TENM3: variants seen among roughly 807,000 people sequenced by gnomAD.
TENM3 encodes the protein teneurin-3.
TENM3 carries 63 observed loss-of-function variants against 255.1 expected under a neutral mutation model. The ratio of observed to expected loss-of-function variants is 0.25; its 90% CI spans 0.20 to 0.30. The LOEUF (loss-of-function observed/expected upper bound fraction) is 0.30, where lower values mean the gene tolerates loss of function less well. Among genes scored for constraint, TENM3 ranks in the 10% least tolerant of loss-of-function variants. The pLI is 1.00. For missense variants in TENM3, 2,929 were observed against 3,461.1 expected, an observed-to-expected ratio of 0.85 and a Z score of 3.86; for synonymous variants, 1,306 against 1,322.3, an observed-to-expected ratio of 0.99 and a Z score of 0.27.
the TENM3 span, among the ~76,000 whole-genome samples, chr4:181,569,188 A>G: frequency 6.6e-6 from 1 of 151,998 alleles, no homozygotes; most frequent in African/African-American, 2.4e-5. Context: ...AACAGCAACA[A>G]CAAATGTGAG....
intron 5 of TENM3, among the ~76,000 whole-genome samples, chr4:182,637,987 T>G (rs1323974852): frequency 2.0e-5 from 3 of 152,016 alleles, no homozygotes; most frequent in African/African-American, 4.8e-5. Context: ...GTATTAAAAC[T>G]AATATATTGT....
the TENM3 span, among the ~76,000 whole-genome samples, chr4:181,967,923 CT>C: frequency 1.3e-5 from 2 of 152,160 alleles, no homozygotes; most frequent in Admixed American, 1.3e-4. Flanking sequence ...GATCACAGGG[CT>C]TTTCCTTTGT....
At chr4:181,670,497 C>T in the TENM3 span, among the ~76,000 whole-genome samples, 2 of 152,078 alleles carry the variant, frequency 1.3e-5, no homozygotes, top group Non-Finnish European at 2.9e-5. Context: ...GAAAAAAAGG[C>T]AGTGAATCTT....
the TENM3 span, among the ~76,000 whole-genome samples, chr4:181,593,473 G>C: frequency 8.1e-4 from 123 of 152,284 alleles, no homozygotes; most frequent in Admixed American, 1.4e-3. Context: ...CTAAGGCAAC[G>C]CTGCTTTGTT....
At chr4:182,699,504 T>TA (rs1757683423) in intron 12 of TENM3, among the ~76,000 whole-genome samples, 1 of 152,208 alleles carries the variant, frequency 6.6e-6, no homozygotes, top group African/African-American at 2.4e-5. Flanking sequence ...AAACAATTTA[T>TA]AAATTATAAT....
the TENM3 span, among the ~76,000 whole-genome samples, chr4:181,569,776 T>C: frequency 6.6e-6 from 1 of 152,192 alleles, no homozygotes; most frequent in Non-Finnish European, 1.5e-5. Context: ...GTATCTATGT[T>C]ACAGAAAAGA....
At chr4:182,348,262 A>G (rs982878613) in intron 3 of TENM3, among the ~76,000 whole-genome samples, 2 of 152,176 alleles carry the variant, frequency 1.3e-5, no homozygotes, top group African/African-American at 4.8e-5. Context: ...TTTTGATAAA[A>G]TGAGCCTCAG....
intron 19 of TENM3, among the ~76,000 whole-genome samples, chr4:182,746,071 A>G (rs1360456908): frequency 6.6e-6 from 1 of 152,184 alleles, no homozygotes; most frequent in Non-Finnish European, 1.5e-5. Context: ...TTAACTGATC[A>G]CTTACCGTGT....
the TENM3 span, among the ~76,000 whole-genome samples, chr4:181,890,506 T>G: frequency 2.2e-5 from 3 of 135,352 alleles, no homozygotes; most frequent in Non-Finnish European, 5.1e-5. Flanking sequence ...TAGCTTTATA[T>G]ATAGGAATTA....
At chr4:182,112,374 G>A in the TENM3 span, among the ~76,000 whole-genome samples, 7 of 152,026 alleles carry the variant, frequency 4.6e-5, no homozygotes, top group African/African-American at 1.4e-4. Flanking sequence ...AGACTTTTGT[G>A]CACAACACTC....
chr4:182,699,606 A>C (rs1329843074), intron 12 of TENM3, among the ~76,000 whole-genome samples: 1 of 152,224 alleles, frequency 6.6e-6, no homozygotes, highest in East Asian at 1.9e-4. Flanking sequence ...CCATGTATTC[A>C]TGCCTGTGGT....
At chr4:182,112,173 TG>T in the TENM3 span, among the ~76,000 whole-genome samples, 1 of 152,082 alleles carries the variant, frequency 6.6e-6, no homozygotes, top group African/African-American at 2.4e-5. Context: ...AAAAAATGAA[TG>T]ACTACATTTT....
Position 182,601,033 on chromosome 4 carries a change from C to G in TENM3, c.621C>G (p.Ser207=). 1 of 1,613,538 alleles carries G rather than the reference C, an allele frequency of 6.2e-7. No individual in the cohort carries two copies. The highest frequency in any genetic ancestry group is 1.3e-5 in the African/African-American group (1 of 74,886). Residue 207 remains serine (S), a synonymous_variant, in exon 4 of 28, where the codon TCC becomes TCG. Coordinates refer to ENST00000511685, the MANE Select transcript of TENM3 (RefSeq NM_001080477.4). ...HPSITSLNRN[S]LTNRRNQSPA... Reference sequence around the variant, plus strand: ...CCATCACTTCTCTCAACAGAAACTCCCTGACCAATAGAAGGAACCAGAGTC... The same window carrying G: ...CCATCACTTCTCTCAACAGAAACTCGCTGACCAATAGAAGGAACCAGAGTC...
chr4:181,524,922 C>A, the TENM3 span, among the ~76,000 whole-genome samples: 132 of 152,246 alleles, frequency 8.7e-4, no homozygotes, highest in Middle Eastern at 3.4e-3. Flanking sequence ...TGTGGTTTGC[C>A]AAGCTTTAAG....
the TENM3 span, among the ~76,000 whole-genome samples, chr4:181,610,492 T>C: frequency 6.6e-6 from 1 of 152,234 alleles, no homozygotes; most frequent in African/African-American, 2.4e-5. Context: ...CATAGTTTCA[T>C]GTACCTCAGT....
intron 3 of TENM3, among the ~76,000 whole-genome samples, chr4:182,389,764 C>A (rs527750722): frequency 4.0e-5 from 6 of 148,658 alleles, no homozygotes; most frequent in African/African-American, 1.2e-4. Context: ...CGGCTCACTG[C>A]AAGCTCCGCC....
At chr4:182,542,791 A>G (rs567079586) in intron 3 of TENM3, among the ~76,000 whole-genome samples, 1 of 152,314 alleles carries the variant, frequency 6.6e-6, no homozygotes, top group South Asian at 2.1e-4. Context: ...ACAATTTTTT[A>G]TCCTTTATTT....
chr4:182,194,695 A>G (rs1013365003), intron 1 of TENM3, among the ~76,000 whole-genome samples: 1 of 152,202 alleles, frequency 6.6e-6, no homozygotes, highest in African/African-American at 2.4e-5. Flanking sequence ...GGTGTGGAAA[A>G]TGTAACCCTG....
chr4:182,073,538 C>G, the TENM3 span, among the ~76,000 whole-genome samples: 1 of 152,266 alleles, frequency 6.6e-6, no homozygotes, highest in African/African-American at 2.4e-5. Flanking sequence ...TTACGCCATC[C>G]AGTCTGTGGT....
Sources: gnomAD v4.1 joint callset for allele counts (sites outside exome capture counted in the v4.1 genomes callset) on GRCh38, gnomAD v4.1.1 for gene constraint, MANE v1.5 for transcripts, NCBI Gene and HGNC (gene_info 2026-07-23, HGNC 2026-07-21) for gene names.